The following PTPRM variants were observed in gnomAD, a reference collection of about 807,000 sequenced individuals.
The protein encoded by PTPRM is receptor-type tyrosine-protein phosphatase mu.
In PTPRM, 47 loss-of-function variants were observed where a neutral mutation model predicts 186.7. That is an observed-to-expected ratio of 0.25 (90% confidence interval 0.20 to 0.32). The LOEUF (loss-of-function observed/expected upper bound fraction) is 0.32. Among genes scored for constraint, PTPRM ranks in the 10% least tolerant of loss-of-function variants. The pLI is 1.00. For missense variants in PTPRM, 1,494 were observed against 1,865.0 expected, an observed-to-expected ratio of 0.80 and a Z score of 3.66; for synonymous variants, 668 against 674.9, an observed-to-expected ratio of 0.99 and a Z score of 0.16.
chr18:7,676,954 A>G (rs569305368), intron 1 of PTPRM, among the ~76,000 whole-genome samples: 285 of 152,298 alleles, frequency 1.9e-3, no homozygotes, highest in African/African-American at 6.7e-3. Context: ...CAGTGAAGTC[A>G]CTGATAAGCC....
intron 7 of PTPRM, among the ~76,000 whole-genome samples, chr18:8,043,643 G>A (rs2086831305): frequency 6.6e-6 from 1 of 151,908 alleles, no homozygotes; most frequent in Admixed American, 6.6e-5. Flanking sequence ...CCATGGAGAA[G>A]TCAGGGCCAC....
intron 14 of PTPRM, among the ~76,000 whole-genome samples, chr18:8,211,901 A>C (rs1031316661): frequency 6.6e-6 from 1 of 152,082 alleles, no homozygotes; most frequent in Non-Finnish European, 1.5e-5. Context: ...GGCTGTGGCC[A>C]TGCACTCGTC....
chr18:8,354,380 A>G (rs187231301), intron 23 of PTPRM, among the ~76,000 whole-genome samples: 1 of 152,236 alleles, frequency 6.6e-6, no homozygotes, highest in African/African-American at 2.4e-5. Context: ...AAAGGAAAGC[A>G]AGAGGAATAG....
chr18:8,114,717 T>C (rs2091890297), intron 12 of PTPRM, 74 bp from the exon 13 acceptor site: 2 of 1,224,218 alleles, frequency 1.6e-6, no homozygotes, highest in South Asian at 2.6e-5. Flanking sequence ...GCTATTTAAA[T>C]AGAATTACAG....
At chr18:8,037,218 CCT>C (rs1468447611) in intron 7 of PTPRM, among the ~76,000 whole-genome samples, 2 of 152,142 alleles carry the variant, frequency 1.3e-5, no homozygotes, top group Non-Finnish European at 2.9e-5. Flanking sequence ...AGCTTTGTGG[CCT>C]CTCCTCACAC....
intron 13 of PTPRM, among the ~76,000 whole-genome samples, chr18:8,115,727 T>TGTGTTGGATAAAA (rs1349022284): frequency 6.6e-6 from 1 of 152,214 alleles, no homozygotes; most frequent in East Asian, 1.9e-4. Context: ...CTTGATGAGT[T>TGTGTTGGATAAAA]GTGTTGGATA....
intron 1 of PTPRM, among the ~76,000 whole-genome samples, chr18:7,676,608 G>A (rs1329777157): frequency 2.6e-5 from 4 of 151,540 alleles, no homozygotes; most frequent in Non-Finnish European, 5.9e-5. Flanking sequence ...CAGGTTTTCT[G>A]TCAGCCAGGA....
intron 14 of PTPRM, among the ~76,000 whole-genome samples, chr18:8,242,916 G>C (rs1272679012): frequency 6.6e-6 from 1 of 152,208 alleles, no homozygotes; most frequent in East Asian, 1.9e-4. Context: ...ACTAGAAGGA[G>C]GTGCGGTTTT....
intron 21 of PTPRM, among the ~76,000 whole-genome samples, chr18:8,316,332 T>C (rs2095308681): frequency 6.6e-6 from 1 of 152,224 alleles, no homozygotes; most frequent in African/African-American, 2.4e-5. Context: ...AAACACCCAC[T>C]GAAGGAGTCA....
intron 22 of PTPRM, 24 bp downstream of exon 22, chr18:8,319,238 T>A (rs2095330312): frequency 6.5e-7 from 1 of 1,534,874 alleles, no homozygotes; most frequent in Non-Finnish European, 9.0e-7. Context: ...TACTTTGTTG[T>A]CTTTCTTTGT....
chr18:7,945,661 A>G (rs1409637929), intron 5 of PTPRM, among the ~76,000 whole-genome samples: 2 of 152,180 alleles, frequency 1.3e-5, no homozygotes, highest in Admixed American at 6.6e-5. Flanking sequence ...GTGCTATGGG[A>G]GGCAGTTCAT....
At chr18:8,266,092 T>A (rs1271744442) in intron 19 of PTPRM, among the ~76,000 whole-genome samples, 1 of 152,116 alleles carries the variant, frequency 6.6e-6, no homozygotes, top group East Asian at 1.9e-4. Context: ...CTTCCTCTTG[T>A]CTCCCCTCAT....
At chr18:8,240,800 GAGAGAGAGAGAGAGAGAGAGAGAGAGAA>G (rs56722838) in intron 14 of PTPRM, among the ~76,000 whole-genome samples, 25,140 of 79,852 alleles carry the variant, frequency 0.31, 2,967 homozygotes, top group Middle Eastern at 0.4. Context: ...GAGAGAGAGA[GAGAGAGAGAGAGAGAGAGAGAGAGAGAA>G]AGAAAGAAAG....
At chr18:8,142,749 A>G (rs2146109384) in intron 13 of PTPRM, among the ~76,000 whole-genome samples, 1 of 152,350 alleles carries the variant, frequency 6.6e-6, no homozygotes, top group Non-Finnish European at 1.5e-5. Context: ...TGTGGCTCAG[A>G]GCATCATCAC....
chr18:7,704,265 A>T (rs981986775), intron 1 of PTPRM, among the ~76,000 whole-genome samples: 1 of 151,986 alleles, frequency 6.6e-6, no homozygotes, highest in African/African-American at 2.4e-5. Context: ...TCCTCTTTGT[A>T]CTTTTGGTAG....
At chr18:7,965,372 G>C (rs529859911) in intron 7 of PTPRM, among the ~76,000 whole-genome samples, 22 of 152,274 alleles carry the variant, frequency 1.4e-4, no homozygotes, top group African/African-American at 4.8e-4. Context: ...AGTTTATCCA[G>C]AGGACTCAAA....
chr18:8,333,576 A>G (rs979698384), intron 22 of PTPRM, among the ~76,000 whole-genome samples: 1 of 152,248 alleles, frequency 6.6e-6, no homozygotes, highest in African/African-American at 2.4e-5. Context: ...TGAGTAACTG[A>G]CTTCGTAACC....
At chr18:7,776,938 T>G (rs2042615073) in intron 2 of PTPRM, among the ~76,000 whole-genome samples, 1 of 151,908 alleles carries the variant, frequency 6.6e-6, no homozygotes, top group South Asian at 2.1e-4. Flanking sequence ...TATACAGCCA[T>G]AAGTTTTAAA....
intron 9 of PTPRM, among the ~76,000 whole-genome samples, chr18:8,077,032 A>G (rs1044283046): frequency 5.9e-5 from 9 of 152,286 alleles, no homozygotes; most frequent in African/African-American, 2.2e-4. Flanking sequence ...TTACCAAAAC[A>G]TCCTTTCGAC....
Sources: allele counts gnomAD v4.1 joint callset (sites outside exome capture counted in the v4.1 genomes callset), GRCh38; gene constraint gnomAD v4.1.1; transcripts MANE v1.5; gene names NCBI Gene and HGNC (gene_info 2026-07-23, HGNC 2026-07-21).